Variants in H2BC5 observed in about 807,000 individuals in gnomAD.
The protein encoded by H2BC5 is H2B clustered histone 5.
H2BC5 carries 9 observed loss-of-function variants against 5.7 expected under a neutral mutation model. The observed-to-expected ratio is 1.57, with a 90% confidence interval of 0.95 to 2.74. The LOEUF (loss-of-function observed/expected upper bound fraction) is 2.74, where lower values mean the gene tolerates loss of function less well. Among genes scored for constraint, H2BC5 ranks in the 30% most tolerant of loss-of-function variants. The pLI is 0.00. For missense variants in H2BC5, 175 were observed against 168.8 expected, an observed-to-expected ratio of 1.04 and a Z score of -0.20; for synonymous variants, 133 against 70.9, an observed-to-expected ratio of 1.88 and a Z score of -4.40.
intron 1 of H2BC5, among the ~76,000 whole-genome samples, chr6:26,166,689 T>A (rs1256411853): frequency 6.8e-6 from 1 of 147,196 alleles, no homozygotes; most frequent in African/African-American, 2.5e-5. Flanking sequence ...GGGATACTTT[T>A]GGCTTTTTTT....
downstream of H2BC5, among the ~76,000 whole-genome samples, chr6:26,159,243 G>GGTT (rs1764304522): frequency 1.6e-5 from 1 of 61,402 alleles, no homozygotes; most frequent in Non-Finnish European, 3.1e-5. Context: ...TAATTTATAG[G>GGTT]TTTTTTTTTT....
intron 1 of H2BC5, among the ~76,000 whole-genome samples, chr6:26,164,547 T>C (rs1370214306): frequency 6.6e-6 from 1 of 152,056 alleles, no homozygotes; most frequent in East Asian, 1.9e-4. Flanking sequence ...CTCTCCTCTA[T>C]GATTCTTTAC....
At chr6:26,170,547 C>G (rs1280492690) in intron 1 of H2BC5, among the ~76,000 whole-genome samples, 1 of 152,180 alleles carries the variant, frequency 6.6e-6, no homozygotes, top group Non-Finnish European at 1.5e-5. Flanking sequence ...TAGATTACTT[C>G]TTAAAGTTAT....
intron 1 of H2BC5, among the ~76,000 whole-genome samples, chr6:26,169,588 T>G (rs1764485679): frequency 6.6e-6 from 1 of 152,164 alleles, no homozygotes; most frequent in Non-Finnish European, 1.5e-5. Flanking sequence ...AAGTTACAAT[T>G]ACTTTCTAGG....
At chr6:26,163,514 T>C (rs1764379618), downstream of H2BC5, 1 of 152,156 alleles carries the variant, frequency 6.6e-6, no homozygotes, top group African/African-American at 2.4e-5. Flanking sequence ...TAGGCTGCAA[T>C]CATCCGAATC....
downstream of H2BC5, among the ~76,000 whole-genome samples, chr6:26,159,243 G>GTTTTTTTTTTTTTTTTTT (rs35999697): frequency 1.6e-5 from 1 of 61,402 alleles, no homozygotes; most frequent in African/African-American, 5.5e-5. Flanking sequence ...TAATTTATAG[G>GTTTTTTTTTTTTTTTTTT]TTTTTTTTTT....
chr6:26,159,123 C>G (rs1764300936), downstream of H2BC5, among the ~76,000 whole-genome samples: 1 of 151,802 alleles, frequency 6.6e-6, no homozygotes, highest in Non-Finnish European at 1.5e-5. Context: ...AGCTCTTAAG[C>G]GAGTGGGGCA....
Position 26,158,160 on chromosome 6 carries a change from TAACG to T in H2BC5, c.-9_-6del, listed in dbSNP as rs760630299. ...GTGTTTGCAACAGTGTTCTAACTATTAACGCTACGATGCCTGAACCTACCAAGTC... is the reference window on the plus strand; with the variant it reads ...GTGTTTGCAACAGTGTTCTAACTATTCTACGATGCCTGAACCTACCAAGTC... On this transcript the variant is annotated 5_prime_UTR_variant, in exon 1 of 1. Coordinates refer to ENST00000377777, the MANE Select transcript of H2BC5 (RefSeq NM_021063.4). The T allele has an allele frequency of 4.3e-6, 7 of 1,610,934 alleles. No homozygotes were observed. Among genetic ancestry groups the T allele is most frequent in the Non-Finnish European group, 2.5e-6 (3 of 1,178,946 alleles).
chr6:26,159,695 T>TG (rs1201541313), downstream of H2BC5, among the ~76,000 whole-genome samples: 1 of 152,118 alleles, frequency 6.6e-6, no homozygotes, highest in Admixed American at 6.5e-5. Flanking sequence ...GATGGATGGA[T>TG]GATCATTGTC....
chr6:26,158,725 C>G (rs1197652749), downstream of H2BC5: 1 of 1,066,990 alleles, frequency 9.4e-7, no homozygotes. Context: ...TTGGAAGTTA[C>G]AGGGAATAAC....
chr6:26,158,559 A>G lies in H2BC5; in HGVS notation c.*9A>G, dbSNP rs373443476. ...ACACCAGTTCCAAGTAACTTTGCCAAGTAAGCATCTTTACACCTAATCCCA... is the reference window on the plus strand; with the variant it reads ...ACACCAGTTCCAAGTAACTTTGCCAGGTAAGCATCTTTACACCTAATCCCA... On this transcript the variant is annotated 3_prime_UTR_variant, in exon 1 of 1. Coordinates refer to ENST00000377777, the MANE Select transcript of H2BC5 (RefSeq NM_021063.4). 1.2e-4 allele frequency: 195 copies of G among 1,613,962 alleles called. No individual in the cohort carries two copies. Among genetic ancestry groups the G allele is most frequent in the Non-Finnish European group, 1.5e-4 (175 of 1,179,972 alleles).
At chr6:26,161,759 T>C (rs535546406), downstream of H2BC5, among the ~76,000 whole-genome samples, 28 of 152,016 alleles carry the variant, frequency 1.8e-4, no homozygotes, top group African/African-American at 6.7e-4. Context: ...GCAATGAGAG[T>C]GAGACCTTGT....
chr6:26,161,384 G>T (rs148857613), downstream of H2BC5, among the ~76,000 whole-genome samples: 17 of 152,218 alleles, frequency 1.1e-4, no homozygotes, highest in Admixed American at 1.1e-3. Context: ...GCAGCCAATT[G>T]GACCTACCGG....
downstream of H2BC5, among the ~76,000 whole-genome samples, chr6:26,159,173 A>C (rs1453544733): frequency 2.6e-5 from 4 of 151,588 alleles, no homozygotes; most frequent in Non-Finnish European, 2.9e-5. Context: ...CAGGAAAAAG[A>C]AGCAGCTTCT....
In H2BC5 at chr6:26,158,319, T is replaced by C. The variant is rs745441461; in HGVS notation, c.150T>C (p.His50=). The C allele has an allele frequency of 1.9e-6, 3 of 1,614,220 alleles. No individual in the cohort carries two copies. Among genetic ancestry groups the C allele is most frequent in the South Asian group, 1.1e-5 (1 of 91,086 alleles). ...TGTACAAGGTGCTGAAGCAGGTCCATCCCGACACCGGCATCTCTTCCAAGG... is the reference window on the plus strand; with the variant it reads ...TGTACAAGGTGCTGAAGCAGGTCCACCCCGACACCGGCATCTCTTCCAAGG... ...VYVYKVLKQV[H]PDTGISSKAM... is the part of the protein sequence containing the mutation. Residue 50 remains histidine, a synonymous_variant, in exon 1 of 1, where the codon CAT becomes CAC. Transcript: ENST00000377777.
chr6:26,170,414 C>T (rs1764499818), intron 1 of H2BC5, among the ~76,000 whole-genome samples: 1 of 152,122 alleles, frequency 6.6e-6, no homozygotes, highest in Admixed American at 6.6e-5. Context: ...AATTAAAGTG[C>T]ACAAATATCT....
In H2BC5 at chr6:26,158,236, C is replaced by G; in HGVS notation, c.67C>G (p.Gln23Glu). The G allele has an allele frequency of 6.2e-7, 1 of 1,614,258 alleles. No individual in the cohort carries two copies. The highest frequency in any genetic ancestry group is 8.5e-7 in the Non-Finnish European group (1 of 1,180,052). ...KGSKKAVTKA[Q>E]KKDGKKRKRS... ...CTCCAAGAAGGCGGTGACTAAGGCTCAGAAGAAGGACGGGAAGAAGCGCAA... is the reference window on the plus strand; with the variant it reads ...CTCCAAGAAGGCGGTGACTAAGGCTGAGAAGAAGGACGGGAAGAAGCGCAA... The change falls in exon 1 of 1, where the codon CAG becomes GAG. Residue 23 changes from glutamine (Q) to glutamate (E), a missense_variant. By Grantham distance (29) the Gln-to-Glu change is conservative. Around this residue, in one of 4 missense-constraint regions of H2BC5, gnomAD observed 119 missense variants for 85.6 expected, o/e 1.39. Transcript: ENST00000377777.
downstream of H2BC5, among the ~76,000 whole-genome samples, chr6:26,159,984 T>C (rs1398170836): frequency 6.6e-6 from 1 of 152,170 alleles, no homozygotes; most frequent in Non-Finnish European, 1.5e-5. Context: ...ATATATCTTC[T>C]TAGGTGAAGG....
rs2298091 is a variant in H2BC5 at position 26,158,211 on chromosome 6, C to A, written c.42C>A (p.Gly14=). ...AGTCTGCTCCTGCCCCAAAGAAGGG[C>A]TCCAAGAAGGCGGTGACTAAGGCTC... ...PTKSAPAPKK[G]SKKAVTKAQK... The change falls in exon 1 of 1, where the codon GGC becomes GGA. Residue 14 remains glycine, a synonymous_variant. Coordinates refer to ENST00000377777, the MANE Select transcript of H2BC5 (RefSeq NM_021063.4). 1,990 of 1,614,210 alleles carry A rather than the reference C, an allele frequency of 1.2e-3. 53 individuals carry two copies. The East Asian group carries it at 0.035, about 28-fold the overall frequency.
Sources: gnomAD v4.1 joint callset for allele counts (sites outside exome capture counted in the v4.1 genomes callset) on GRCh38, gnomAD v4.1.1 for gene constraint, gnomAD v4.1.1 regional missense constraint, MANE v1.5 for transcripts, NCBI Gene and HGNC (gene_info 2026-07-23, HGNC 2026-07-21) for gene names.